TENM4: variants seen among roughly 807,000 people sequenced by gnomAD.
The protein encoded by TENM4 is teneurin transmembrane protein 4.
A neutral mutation model predicts 243.3 loss-of-function variants in TENM4; 82 were observed. That is an observed-to-expected ratio of 0.34 (90% CI 0.28 to 0.40). The LOEUF (loss-of-function observed/expected upper bound fraction) is 0.40. Ranked by LOEUF, TENM4 falls within the 10% of genes least tolerant of loss-of-function variation. The pLI is 1.00. For missense variants in TENM4, 3,138 were observed against 3,673.3 expected (o/e 0.85, Z 3.77); for synonymous variants, 1,412 against 1,456.3 (o/e 0.97, Z 0.69).
chr11:79,232,872 G>A (rs1475030329), intron 2 of TENM4, among the ~76,000 whole-genome samples: 1 of 152,204 alleles, frequency 6.6e-6, no homozygotes, highest in Admixed American at 6.5e-5. Context: ...AGAGTGGAGT[G>A]GTTTAGAGCT....
intron 18 of TENM4, 42 bp downstream of exon 18, chr11:78,770,950 C>G: frequency 6.4e-7 from 1 of 1,557,426 alleles, no homozygotes; most frequent in Non-Finnish European, 8.7e-7. Context: ...GGGCCTCCCA[C>G]CCTCTGGAGC....
Position 78,858,481 on chromosome 11 carries a change from G to A in TENM4, c.1256-2303C>T, listed in dbSNP as rs770806806. Among the ~76,000 whole-genome samples the A allele has an allele frequency of 2.0e-4, 31 of 152,204 alleles. 1 individual carries two copies. The highest frequency in any genetic ancestry group is 3.2e-4 in the Non-Finnish European group (22 of 68,038). On this transcript the variant is annotated intron_variant, in intron 10 of 33. Transcript: ENST00000278550. Reference sequence around the variant, plus strand: ...CAGGGACAGGCTGGGAGCTGTTGAGGGGGAAATGCTAACAGCCTGCTGATC... The same window carrying A: ...CAGGGACAGGCTGGGAGCTGTTGAGAGGGAAATGCTAACAGCCTGCTGATC...
intron 3 of TENM4, among the ~76,000 whole-genome samples, chr11:79,182,042 G>A (rs750944273): frequency 2.6e-5 from 4 of 151,794 alleles, no homozygotes; most frequent in Non-Finnish European, 5.9e-5. Context: ...TAGACTCAAT[G>A]CAATCCCAAT....
chr11:79,054,799 A>G (rs533092193), intron 6 of TENM4, among the ~76,000 whole-genome samples: 7 of 152,254 alleles, frequency 4.6e-5, no homozygotes, highest in African/African-American at 1.7e-4. Context: ...TAATAAATAT[A>G]TTTTACATGA....
chr11:79,005,731 G>A (rs1212128139), intron 6 of TENM4, among the ~76,000 whole-genome samples: 3 of 152,120 alleles, frequency 2.0e-5, no homozygotes, highest in African/African-American at 2.4e-5. Context: ...CACAGTTCTT[G>A]AAGTCCTAGC....
chr11:79,196,256 C>T lies in TENM4; in HGVS notation c.-163+19552G>A, dbSNP rs531500664. Among the ~76,000 whole-genome samples, 8 of 152,190 alleles carry T rather than the reference C, an allele frequency of 5.3e-5. No homozygotes were observed. In the East Asian group the frequency reaches 9.7e-4, roughly 18 times the overall value. ...AAGCCTGGACTGAGGGGAGATAGCA[C>T]CAACCTGAGCCCAACAGGCCTGGCT... On this transcript the variant is annotated intron_variant, in intron 3 of 33. Transcript: ENST00000278550.
At chr11:79,336,192 A>C (rs1857145876) in intron 1 of TENM4, among the ~76,000 whole-genome samples, 3 of 152,040 alleles carry the variant, frequency 2.0e-5, no homozygotes. Flanking sequence ...GAGTGTCTTG[A>C]GGGGTGGGAA....
At chr11:79,142,609 C>T (rs956253636) in intron 4 of TENM4, among the ~76,000 whole-genome samples, 3 of 152,080 alleles carry the variant, frequency 2.0e-5, no homozygotes, top group Middle Eastern at 3.2e-3. Context: ...CAAAGACATT[C>T]TTCACAGCAA....
intron 6 of TENM4, among the ~76,000 whole-genome samples, chr11:78,970,135 G>C (rs999844832): frequency 6.6e-6 from 1 of 152,182 alleles, no homozygotes; most frequent in African/African-American, 2.4e-5. Flanking sequence ...TCTGCGGCTC[G>C]TGGAGGGTCA....
chr11:78,672,951 T>C (rs537465830), intron 30 of TENM4, among the ~76,000 whole-genome samples: 226 of 152,084 alleles, frequency 1.5e-3, no homozygotes, highest in African/African-American at 4.3e-3. Flanking sequence ...TCAGGGCTTC[T>C]TGATTGCCAC....
chr11:78,739,610 T>C (rs963039913), intron 19 of TENM4, among the ~76,000 whole-genome samples: 17 of 152,198 alleles, frequency 1.1e-4, no homozygotes, highest in South Asian at 8.3e-4. Context: ...CAACTAGAGA[T>C]CATCTAGAAT....
chr11:78,820,408 G>A (rs1857701019), intron 12 of TENM4, among the ~76,000 whole-genome samples: 1 of 152,158 alleles, frequency 6.6e-6, no homozygotes, highest in East Asian at 1.9e-4. Flanking sequence ...TATGGGCTCT[G>A]GAACCCTTAC....
At chr11:79,248,731 C>G (rs537325211) in intron 2 of TENM4, among the ~76,000 whole-genome samples, 44 of 152,308 alleles carry the variant, frequency 2.9e-4, no homozygotes, top group African/African-American at 1.0e-3. Flanking sequence ...GCCATGGAAA[C>G]TACAGCATCT....
chr11:79,433,905 G>A (rs1013601735), intron 1 of TENM4, among the ~76,000 whole-genome samples: 1 of 152,284 alleles, frequency 6.6e-6, no homozygotes, highest in East Asian at 1.9e-4. Context: ...AACAGAGCGG[G>A]CTCCCTCTGT....
chr11:78,862,884 G>A (rs1858858343), intron 10 of TENM4, 78 bp downstream of exon 10: 1 of 1,287,028 alleles, frequency 7.8e-7, no homozygotes, highest in African/African-American at 1.5e-5. Context: ...GGCACATGAT[G>A]CACGCACGTT....
intron 6 of TENM4, among the ~76,000 whole-genome samples, chr11:78,941,940 C>T (rs1284527878): frequency 2.6e-5 from 4 of 151,926 alleles, no homozygotes; most frequent in Admixed American, 1.3e-4. Flanking sequence ...AACTATGGGG[C>T]TAGACACACT....
intron 4 of TENM4, among the ~76,000 whole-genome samples, chr11:79,106,315 G>T (rs1861367183): frequency 6.6e-6 from 1 of 152,234 alleles, no homozygotes. Flanking sequence ...CACCTTTGCA[G>T]AATACCCTCT....
chr11:79,368,950 C>T (rs945641787), intron 1 of TENM4, among the ~76,000 whole-genome samples: 1 of 152,136 alleles, frequency 6.6e-6, no homozygotes. Context: ...AGTTTTCTCC[C>T]TTTTCTTTCC....
chr11:79,163,625 G>A (rs1862805994), intron 3 of TENM4, among the ~76,000 whole-genome samples: 1 of 151,774 alleles, frequency 6.6e-6, no homozygotes, highest in Admixed American at 6.6e-5. Flanking sequence ...CCCATTATGA[G>A]TGAGAACATA....
Sources: gnomAD v4.1 joint callset for allele counts (sites outside exome capture counted in the v4.1 genomes callset) on GRCh38, gnomAD v4.1.1 for gene constraint, MANE v1.5 for transcripts, NCBI Gene and HGNC (gene_info 2026-07-23, HGNC 2026-07-21) for gene names.